The following MAP3K6 variants were observed in gnomAD, a reference collection of about 807,000 sequenced individuals.
MAP3K6 encodes mitogen-activated protein kinase kinase kinase 6.
MAP3K6 carries 105 observed loss-of-function variants against 147.1 expected under a neutral mutation model. That is an observed-to-expected ratio of 0.71 (90% CI 0.61 to 0.84). MAP3K6 has a LOEUF of 0.84. Among genes scored for constraint, MAP3K6 ranks in the 40% least tolerant of loss-of-function variants. MAP3K6 has a pLI of 0.00. For synonymous variants in MAP3K6, 695 were observed against 732.4 expected (o/e 0.95, Z 0.82); for missense variants, 1,569 against 1,715.0 (o/e 0.91, Z 1.50).
intron 12 of MAP3K6, 35 bp from the exon 13 acceptor site, chr1:27,361,287 C>A (rs1313899517): frequency 1.2e-6 from 2 of 1,613,628 alleles, no homozygotes; most frequent in Non-Finnish European, 1.7e-6. Flanking sequence ...AAGCGTCAGG[C>A]TGGGTGGCAG....
rs1329128241 is a variant in MAP3K6 at position 27,364,192 on chromosome 1, G to T, written c.695+12C>A. The stretch of plus-strand genomic sequence containing the variant: ...CCCCTCCTGGAGCACCCTCCCTGGG[G>T]GCCTTCATTACCAAGAGTCTGTGGG... On this transcript the variant is annotated intron_variant, in intron 4 of 28. Coordinates refer to ENST00000357582, the MANE Select transcript of MAP3K6 (RefSeq NM_004672.5). The surrounding 1 kb of genome is among the most constrained non-coding windows in gnomAD (Gnocchi z 4.4). The T allele has an allele frequency of 6.2e-7, 1 of 1,608,864 alleles. No individual in the cohort carries two copies. Among genetic ancestry groups the T allele is most frequent in the African/African-American group, 1.3e-5 (1 of 75,024 alleles).
In MAP3K6 at chr1:27,357,829, C is replaced by G. The variant is rs1331610155; in HGVS notation, c.2963G>C (p.Ser988Thr). The G allele has an allele frequency of 1.2e-6, 2 of 1,601,746 alleles. No homozygotes were observed. Among genetic ancestry groups the G allele is most frequent in the South Asian group, 2.2e-5 (2 of 89,674 alleles). ...CTGGTGCAGCAGGCTCAGCCCCGAACTCTCCTCCGGAGACGCAGGCTCCTC... is the reference window on the plus strand; with the variant it reads ...CTGGTGCAGCAGGCTCAGCCCCGAAGTCTCCTCCGGAGACGCAGGCTCCTC... ...AAEEPASPEE[S>T]SGLSLLHQES... Residue 988 changes from serine (S) to threonine (T), a missense_variant, in exon 22 of 29, where the codon AGT becomes ACT. Coordinates refer to ENST00000357582, the MANE Select transcript of MAP3K6 (RefSeq NM_004672.5).
chr1:27,361,210 G>C lies in MAP3K6; in HGVS notation c.1779C>G (p.Leu593=), dbSNP rs960124734. 32 of 1,613,114 alleles carry C rather than the reference G, an allele frequency of 2.0e-5. No homozygotes were observed. The highest frequency in any genetic ancestry group is 2.3e-5 in the Non-Finnish European group (27 of 1,179,860). The change falls in exon 13 of 29, where the codon CTC becomes CTG. Residue 593 remains leucine (L), a synonymous_variant. Coordinates refer to ENST00000357582, the MANE Select transcript of MAP3K6 (RefSeq NM_004672.5). ...ACAGCTGGACGTCCTGAGCCGGGGG[G>C]AGTGCATAGAGGAAGCAGCAGCGCT... ...RDERCCFLYA[L]PPAQDVQLCF...
At position 27,356,725 on chromosome 1, in the gene MAP3K6, G is replaced by A. The variant is rs767272588; in HGVS notation, c.3389C>T (p.Pro1130Leu). 7.0e-6 allele frequency: 11 copies of A among 1,578,930 alleles called. No individual in the cohort carries two copies. The East Asian group carries it at 2.5e-4, about 35-fold the overall frequency. Residue 1130 changes from proline (P) to leucine (L), a missense_variant, in exon 25 of 29, where the codon CCG becomes CTG. Transcript: ENST00000357582. The stretch of plus-strand genomic sequence containing the variant: ...TTCATTACTCAGCTCCTCTGACCTC[G>A]GTGAGACCGCCTCCTTCTCCACCTC... ...GPEVEKEAVS[P>L]RSEELSNEGD...
intron 8 of MAP3K6, 147 bp from the exon 9 acceptor site, chr1:27,362,397 G>T: frequency 1.2e-6 from 1 of 857,406 alleles, no homozygotes; most frequent in Non-Finnish European, 1.8e-6. Context: ...AGGAGCTCAG[G>T]CACAGGTATA....
At position 27,361,053 on chromosome 1, in the gene MAP3K6, C is replaced by G. The variant is rs369683747; in HGVS notation, c.1833-45G>C. 36 of 1,532,862 alleles carry G rather than the reference C, an allele frequency of 2.3e-5. No individual in the cohort carries two copies. The African/African-American group carries it at 3.8e-4, about 16-fold the overall frequency. 95.0% of individuals were successfully genotyped at this position (1,532,862 alleles called of 1,614,324 possible). On this transcript the variant is annotated intron_variant, in intron 13 of 28. Transcript: ENST00000357582. ...GACCCGCGGGAGGGGCATCTTGGTC[C>G]CCACCTAAGCCGGAGCATCCAACGG...
chr1:27,360,508 C>T lies in MAP3K6; in HGVS notation c.2055-140G>A. On this transcript the variant is annotated intron_variant, in intron 15 of 28. Coordinates refer to ENST00000357582, the MANE Select transcript of MAP3K6 (RefSeq NM_004672.5). This position sits in a 1 kb window ranked among gnomAD's most constrained non-coding sequence, Gnocchi z 4.5. ...ACCTTCCCCACCCTTACTACCCTGC[C>T]CACAGGACCCTCCAGACCTCAATCC... 7.5e-7 allele frequency: 1 copy of T among 1,341,690 alleles called. No homozygotes were observed. The highest frequency in any genetic ancestry group is 1.0e-6 in the Non-Finnish European group (1 of 1,000,912). 83.1% of individuals were successfully genotyped at this position (1,341,690 alleles called of 1,614,324 possible).
chr1:27,356,799 A>T, intron 24 of MAP3K6, 50 bp from the exon 25 acceptor site: 2 of 1,523,468 alleles, frequency 1.3e-6, no homozygotes, highest in Non-Finnish European at 1.8e-6. Flanking sequence ...CCCGTTTGGG[A>T]ACCCCAGACC....
intron 8 of MAP3K6, among the ~76,000 whole-genome samples, 158 bp downstream of exon 8, chr1:27,362,483 C>T (rs1454658560): frequency 6.6e-6 from 1 of 152,068 alleles, no homozygotes; most frequent in Admixed American, 6.5e-5. Context: ...CCTGAGGGCC[C>T]AGAACAGGTA....
chr1:27,360,917 T>C lies in MAP3K6; in HGVS notation c.1920+4A>G. The C allele has an allele frequency of 6.2e-7, 1 of 1,608,702 alleles. No homozygotes were observed. The highest frequency in any genetic ancestry group is 1.1e-5 in the South Asian group (1 of 90,742). On this transcript the variant is annotated splice_donor_region_variant and intron_variant, in intron 14 of 28. Transcript: ENST00000357582. The surrounding 1 kb of genome is among the most constrained non-coding windows in gnomAD (Gnocchi z 4.5). ...TCCGCGAGCTCCCAGTCCCGCGTCC[T>C]CACCTCCAACATCTCCCCCGCGCCC...
rs1214196621 is a variant in MAP3K6 at position 27,359,552 on chromosome 1, C to G, written c.2320-30G>C. On this transcript the variant is annotated intron_variant, in intron 17 of 28. Transcript: ENST00000357582. The surrounding 1 kb of genome is among the most constrained non-coding windows in gnomAD (Gnocchi z 4.4). ...TTGACAGCCATTAGTGGACACTGGT[C>G]TGGGCCCCTGCCAGCAGAAGTAGAC... is the stretch of plus-strand genomic sequence containing the variant. 3.7e-6 allele frequency: 6 copies of G among 1,613,786 alleles called. No homozygotes were observed. The highest frequency in any genetic ancestry group is 1.3e-5 in the African/African-American group (1 of 75,028).
rs757986452 is a variant in MAP3K6, at chr1:27,361,032, C to A, written c.1833-24G>T. 36 of 1,551,762 alleles carry A rather than the reference C, an allele frequency of 2.3e-5. 2 individuals carry two copies. The South Asian group carries it at 4.2e-4, about 18-fold the overall frequency. The stretch of plus-strand genomic sequence containing the variant: ...ACCTGAAGGTGGGGGAGGTCAGACC[C>A]GCGGGAGGGGCATCTTGGTCCCCAC... On this transcript the variant is annotated intron_variant, in intron 13 of 28. Coordinates refer to ENST00000357582, the MANE Select transcript of MAP3K6 (RefSeq NM_004672.5).
Position 27,360,693 on chromosome 1 carries a change from C to A in MAP3K6, c.2054+12G>T. 1.2e-6 allele frequency: 2 copies of A among 1,608,634 alleles called. No individual in the cohort carries two copies. The highest frequency in any genetic ancestry group is 8.5e-7 in the Non-Finnish European group (1 of 1,178,082). On this transcript the variant is annotated intron_variant, in intron 15 of 28. Transcript: ENST00000357582. The surrounding 1 kb of genome is among the most constrained non-coding windows in gnomAD (Gnocchi z 4.5). ...GAGCCCTCAGCCCCACCCGCGCTGC[C>A]ACGCACCGCACCTGCTGTCCCGCTC...
In MAP3K6 at chr1:27,357,510, G is replaced by A. The variant is rs1427157910; in HGVS notation, c.3148C>T (p.Pro1050Ser). 5.6e-6 allele frequency: 9 copies of A among 1,613,472 alleles called. 1 individual carries two copies. In the South Asian group the frequency reaches 9.9e-5, roughly 18 times the overall value. Reference protein sequence around the residue: ...LRCLGAHIHTPNRRQLAQELR... With the variant: ...LRCLGAHIHTSNRRQLAQELR... ...TCCTGGGCGAGCTGCCGGCGGTTGG[G>A]AGTGTGGATGTGTGCCCCGAGGCAG... Residue 1050 changes from proline (P) to serine (S), a missense_variant, in exon 23 of 29, where the codon CCC becomes TCC. By Grantham distance (74) the Pro-to-Ser change is moderately conservative (BLOSUM62 -1). Coordinates refer to ENST00000357582, the MANE Select transcript of MAP3K6 (RefSeq NM_004672.5).
Position 27,356,553 on chromosome 1 carries a change from C to T in MAP3K6, c.3524+37G>A, listed in dbSNP as rs775896315. On this transcript the variant is annotated intron_variant, in intron 25 of 28. Coordinates refer to ENST00000357582, the MANE Select transcript of MAP3K6 (RefSeq NM_004672.5). ...GCGGTGAGTGGTGAGTGGGTTGAAG[C>T]CCGGCAGAGGCTATGAGCGATTCCA... The T allele has an allele frequency of 3.1e-6, 5 of 1,610,962 alleles. No individual in the cohort carries two copies. In the South Asian group the frequency reaches 3.3e-5, roughly 11 times the overall value.
intron 13 of MAP3K6, 33 bp downstream of exon 13, chr1:27,361,124 C>A: frequency 1.3e-6 from 2 of 1,575,144 alleles, no homozygotes; most frequent in East Asian, 2.3e-5. Flanking sequence ...CATCCTGGCC[C>A]TCAGAGTACC....
rs758418550 is a variant in MAP3K6, at chr1:27,361,306, A to G, written c.1736+40T>C. 2.5e-6 allele frequency: 4 copies of G among 1,613,092 alleles called. No homozygotes were observed. The Admixed American group carries it at 6.7e-5, about 27-fold the overall frequency. On this transcript the variant is annotated intron_variant, in intron 12 of 28. Coordinates refer to ENST00000357582, the MANE Select transcript of MAP3K6 (RefSeq NM_004672.5). Reference sequence around the variant, plus strand: ...GTCAGGCTGGGTGGCAGCGACCCTCACCTCCCGTCTTTCCAGTCACCCCAG... The same window carrying G: ...GTCAGGCTGGGTGGCAGCGACCCTCGCCTCCCGTCTTTCCAGTCACCCCAG...
In MAP3K6 at chr1:27,359,836, G is replaced by A; in HGVS notation, c.2319+22C>T. ...TCCCCGCCACCCTCAGCAGATGAGG[G>A]CGGGCCAGCCCCAGGGCTTACTTTT... On this transcript the variant is annotated intron_variant, in intron 17 of 28. Transcript: ENST00000357582. The surrounding 1 kb of genome is among the most constrained non-coding windows in gnomAD (Gnocchi z 4.4). 1 of 1,613,884 alleles carries A rather than the reference G, an allele frequency of 6.2e-7. No individual in the cohort carries two copies. The highest frequency in any genetic ancestry group is 8.5e-7 in the Non-Finnish European group (1 of 1,179,858).
rs914223885 is a variant in MAP3K6 at position 27,358,359 on chromosome 1, C to T, written c.2777-40G>A. 2.5e-6 allele frequency: 4 copies of T among 1,592,016 alleles called. No individual in the cohort carries two copies. In the African/African-American group the frequency reaches 5.5e-5, roughly 22 times the overall value. On this transcript the variant is annotated intron_variant, in intron 20 of 28. Coordinates refer to ENST00000357582, the MANE Select transcript of MAP3K6 (RefSeq NM_004672.5). The surrounding 1 kb of genome is among the most constrained non-coding windows in gnomAD (Gnocchi z 6.2). Reference sequence around the variant, plus strand: ...GAGCCATCAGCTGGGCTCTCCTCCACCCTCACAGCTCCACAACTCCTCTGC... The same window carrying T: ...GAGCCATCAGCTGGGCTCTCCTCCATCCTCACAGCTCCACAACTCCTCTGC...
Sources: allele counts gnomAD v4.1 joint callset (sites outside exome capture counted in the v4.1 genomes callset), GRCh38; gene constraint gnomAD v4.1.1; non-coding constraint Gnocchi (gnomAD v3.1); transcripts MANE v1.5; gene names NCBI Gene and HGNC (gene_info 2026-07-23, HGNC 2026-07-21).